XIRP2: variants seen among roughly 807,000 people sequenced by gnomAD.
XIRP2 encodes the protein xin actin-binding repeat-containing protein 2.
In XIRP2, 236 loss-of-function variants were observed where a neutral mutation model predicts 277.0. That is an observed-to-expected ratio of 0.85 (90% confidence interval 0.77 to 0.95). The LOEUF (loss-of-function observed/expected upper bound fraction) is 0.95. Among genes scored for constraint, XIRP2 ranks in the 40% least tolerant of loss-of-function variants. XIRP2 has a pLI of 0.00. For synonymous variants in XIRP2, 1,490 were observed against 1,416.5 expected, an observed-to-expected ratio of 1.05 and a Z score of -1.17; for missense variants, 4,640 against 4,157.5, an observed-to-expected ratio of 1.12 and a Z score of -3.19.
chr2:167,064,670 C>T lies in XIRP2; in HGVS notation c.409-71239C>T, dbSNP rs541204809. ...TTAAACAGCAACTCCCCTTTCCATT[C>T]TCCTTGTGCCTCTTGACAACCACCA... On this transcript the variant is annotated intron_variant, in intron 2 of 10. Coordinates refer to ENST00000409195, the MANE Select transcript of XIRP2 (RefSeq NM_152381.6). 1.3e-3 allele frequency among the ~76,000 whole-genome samples: 205 copies of T among 151,946 alleles called. 2 individuals are homozygous for T. The highest frequency in any genetic ancestry group is 4.2e-3 in the African/African-American group (176 of 41,522).
In XIRP2 at chr2:167,115,247, G is replaced by A. The variant is rs1004996307; in HGVS notation, c.409-20662G>A. ...TGTATAATTGCTATTTTGCCTATCA[G>A]CTCCTGTATCATTTTGCTGTGATTC... On this transcript the variant is annotated intron_variant, in intron 2 of 10. Transcript: ENST00000409195. 5.9e-5 allele frequency among the ~76,000 whole-genome samples: 9 copies of A among 152,240 alleles called. No individual in the cohort carries two copies. In the South Asian group the frequency reaches 1.9e-3, roughly 32 times the overall value.
intron 3 of XIRP2, among the ~76,000 whole-genome samples, chr2:167,199,907 G>A (rs1444705622): frequency 6.6e-5 from 10 of 152,002 alleles, no homozygotes; most frequent in African/African-American, 2.2e-4. Flanking sequence ...CGGTAGGAAT[G>A]AAAAAGGGAT....
At chr2:167,011,050 G>C (rs1394966286) in intron 2 of XIRP2, among the ~76,000 whole-genome samples, 2 of 151,768 alleles carry the variant, frequency 1.3e-5, no homozygotes, top group Non-Finnish European at 2.9e-5. Flanking sequence ...TTTCCTAATT[G>C]AATACCCTTT....
chr2:167,009,559 C>T (rs1193240809), intron 2 of XIRP2, among the ~76,000 whole-genome samples: 1 of 151,804 alleles, frequency 6.6e-6, no homozygotes, highest in Non-Finnish European at 1.5e-5. Flanking sequence ...GCATAATTTA[C>T]AGTCCTTTGG....
intron 1 of XIRP2, among the ~76,000 whole-genome samples, chr2:166,893,531 A>C (rs1191297411): frequency 6.6e-6 from 1 of 152,104 alleles, no homozygotes; most frequent in Non-Finnish European, 1.5e-5. Context: ...ACATCATTTC[A>C]TTGTGTGGCC....
At chr2:166,982,500 G>A (rs913971569) in intron 2 of XIRP2, among the ~76,000 whole-genome samples, 5 of 151,656 alleles carry the variant, frequency 3.3e-5, no homozygotes, top group Admixed American at 2.0e-4. Flanking sequence ...TAGTCCCAGG[G>A]AAGACTAGAC....
chr2:167,228,055 G>A (rs1001885439), intron 5 of XIRP2, among the ~76,000 whole-genome samples: 2 of 152,136 alleles, frequency 1.3e-5, no homozygotes, highest in African/African-American at 4.8e-5. Context: ...TAGTGAAACT[G>A]CCTATAGTCT....
At chr2:167,198,058 C>T (rs988683424) in intron 3 of XIRP2, among the ~76,000 whole-genome samples, 1 of 152,000 alleles carries the variant, frequency 6.6e-6, no homozygotes, top group Non-Finnish European at 1.5e-5. Context: ...GAAACAAATG[C>T]CTATGTCAAA....
chr2:166,939,679 C>CAAAAAAAAAAAAAAAAAAAAAAAAAAAAA (rs138977006), intron 2 of XIRP2, among the ~76,000 whole-genome samples: 2 of 90,666 alleles, frequency 2.2e-5, no homozygotes, highest in East Asian at 2.9e-4. Flanking sequence ...GACTCCATCA[C>CAAAAAAAAAAAAAAAAAAAAAAAAAAAAA]AAAAAAAAAA....
intron 2 of XIRP2, among the ~76,000 whole-genome samples, chr2:167,059,520 A>T (rs115670405): frequency 0.04 from 5,953 of 148,670 alleles, 151 homozygotes; most frequent in African/African-American, 0.075. Flanking sequence ...GGCTTGGAAG[A>T]TATCTCTGCA....
At chr2:167,170,314 C>CA (rs903324115) in intron 3 of XIRP2, among the ~76,000 whole-genome samples, 7 of 151,582 alleles carry the variant, frequency 4.6e-5, no homozygotes, top group Admixed American at 3.9e-4. Context: ...AGGTAGGCTT[C>CA]AAAAAAACAT....
chr2:166,973,825 AT>A (rs1686637488), intron 2 of XIRP2, among the ~76,000 whole-genome samples: 1 of 152,222 alleles, frequency 6.6e-6, no homozygotes, highest in African/African-American at 2.4e-5. Context: ...ATTCTTGAAA[AT>A]GTATTTCTAC....
At chr2:167,128,175 C>T (rs1691264420) in intron 2 of XIRP2, among the ~76,000 whole-genome samples, 1 of 152,196 alleles carries the variant, frequency 6.6e-6, no homozygotes, top group Non-Finnish European at 1.5e-5. Context: ...ACTTTGACGC[C>T]TAAATATTTG....
chr2:166,982,327 T>TTAA (rs1553475346), intron 2 of XIRP2, among the ~76,000 whole-genome samples: 3 of 146,516 alleles, frequency 2.0e-5, no homozygotes, highest in East Asian at 2.0e-4. Flanking sequence ...TTTTTTTTTT[T>TTAA]AAAAAAAAAA....
intron 2 of XIRP2, among the ~76,000 whole-genome samples, chr2:167,013,630 A>G (rs368082983): frequency 2.6e-5 from 4 of 151,624 alleles, no homozygotes; most frequent in South Asian, 4.1e-4. Flanking sequence ...TGTACTAATT[A>G]TAACATTAGA....
chr2:167,212,672 CT>C (rs1694089588), intron 4 of XIRP2, among the ~76,000 whole-genome samples: 1 of 152,154 alleles, frequency 6.6e-6, no homozygotes, highest in Non-Finnish European at 1.5e-5. Context: ...TCTCTTGACT[CT>C]TGTGCTCTTC....
At chr2:166,915,730 T>G (rs1261639278) in intron 2 of XIRP2, among the ~76,000 whole-genome samples, 1 of 152,210 alleles carries the variant, frequency 6.6e-6, no homozygotes, top group Non-Finnish European at 1.5e-5. Context: ...ATCTGATCAT[T>G]ACAGTAGATT....
intron 2 of XIRP2, among the ~76,000 whole-genome samples, chr2:167,022,701 T>A (rs1688019185): frequency 6.6e-6 from 1 of 152,080 alleles, no homozygotes; most frequent in African/African-American, 2.4e-5. Context: ...CATGTGGTGT[T>A]CGGTTTTTTG....
chr2:167,134,842 T>G (rs1239064891), intron 2 of XIRP2, among the ~76,000 whole-genome samples: 1 of 152,156 alleles, frequency 6.6e-6, no homozygotes, highest in Admixed American at 6.6e-5. Flanking sequence ...GTCCATCTGA[T>G]AACCAAGACA....
Sources: allele counts gnomAD v4.1 joint callset (sites outside exome capture counted in the v4.1 genomes callset), GRCh38; gene constraint gnomAD v4.1.1; transcripts MANE v1.5; gene names NCBI Gene and HGNC (gene_info 2026-07-23, HGNC 2026-07-21).